Variants in ITPR2 observed in about 807,000 individuals in gnomAD.
ITPR2 encodes the protein inositol 1,4,5-trisphosphate receptor type 2, also known as inositol 1,4,5-trisphosphate-gated calcium channel ITPR2.
In ITPR2, 207 loss-of-function variants were observed where a neutral mutation model predicts 317.1. The ratio of observed to expected loss-of-function variants is 0.65; its 90% CI spans 0.58 to 0.73. ITPR2 has a LOEUF of 0.73. ITPR2 is among the 30% of genes least tolerant of loss of function. The probability of loss-of-function intolerance (pLI) is 0.00; values close to 1 mark genes in which losing one functional copy is unlikely to be tolerated. For synonymous variants in ITPR2, 1,156 were observed against 1,149.1 expected, an observed-to-expected ratio of 1.01 and a Z score of -0.12; for missense variants, 2,613 against 3,284.0, an observed-to-expected ratio of 0.80 and a Z score of 4.99.
At chr12:26,413,179 T>G (rs779971614) in intron 51 of ITPR2, among the ~76,000 whole-genome samples, 82 of 152,376 alleles carry the variant, frequency 5.4e-4, no homozygotes, top group Non-Finnish European at 1.1e-3. Context: ...ATTGCTCAAG[T>G]GGCAGCTACT....
chr12:26,578,111 G>A (rs1044946301), intron 34 of ITPR2, among the ~76,000 whole-genome samples: 5 of 152,094 alleles, frequency 3.3e-5, no homozygotes, highest in African/African-American at 1.2e-4. Flanking sequence ...ACAGCCAAGT[G>A]TGCATTTCTT....
At chr12:26,480,564 G>A (rs1028107411) in intron 43 of ITPR2, among the ~76,000 whole-genome samples, 12 of 152,168 alleles carry the variant, frequency 7.9e-5, no homozygotes, top group African/African-American at 1.4e-4. Context: ...AAACAAAGCC[G>A]GGCACGATGG....
intron 45 of ITPR2, among the ~76,000 whole-genome samples, chr12:26,457,158 A>G (rs148027340): frequency 6.6e-6 from 1 of 152,350 alleles, no homozygotes; most frequent in East Asian, 1.9e-4. Flanking sequence ...AGGAGAAAAT[A>G]AAGCGGAGGA....
At chr12:26,806,286 C>T (rs984966573) in intron 1 of ITPR2, among the ~76,000 whole-genome samples, 7 of 151,866 alleles carry the variant, frequency 4.6e-5, no homozygotes, top group Admixed American at 2.0e-4. Context: ...GGAGTAAACA[C>T]TGAATATTCA....
At chr12:26,806,398 GA>G (rs199864727) in intron 1 of ITPR2, among the ~76,000 whole-genome samples, 2 of 147,480 alleles carry the variant, frequency 1.4e-5, no homozygotes, top group African/African-American at 5.0e-5. Flanking sequence ...AAAAAGCCTT[GA>G]AAAAAAAACA....
intron 15 of ITPR2, among the ~76,000 whole-genome samples, chr12:26,660,238 G>A (rs1947466691): frequency 6.6e-6 from 1 of 152,218 alleles, no homozygotes; most frequent in East Asian, 1.9e-4. Context: ...GAATCCTTGT[G>A]AGCCATGGTA....
At chr12:26,685,778 T>A (rs961558209) in intron 11 of ITPR2, among the ~76,000 whole-genome samples, 9 of 152,146 alleles carry the variant, frequency 5.9e-5, no homozygotes, top group Non-Finnish European at 8.8e-5. Context: ...TTTCAACATT[T>A]TTCATTTCGT....
chr12:26,796,511 T>C (rs1950446076), intron 1 of ITPR2, among the ~76,000 whole-genome samples: 2 of 152,074 alleles, frequency 1.3e-5, no homozygotes, highest in South Asian at 4.2e-4. Flanking sequence ...CTATAGAGAG[T>C]AGAAATTAGA....
chr12:26,811,036 CAA>C (rs79796097), intron 1 of ITPR2, among the ~76,000 whole-genome samples: 199 of 108,280 alleles, frequency 1.8e-3, no homozygotes, highest in African/African-American at 6.5e-3. Context: ...TTTTAAGTTA[CAA>C]AAAAAAAAAA....
At chr12:26,628,875 TG>T (rs553668942) in intron 22 of ITPR2, among the ~76,000 whole-genome samples, 56 of 152,310 alleles carry the variant, frequency 3.7e-4, no homozygotes, top group Middle Eastern at 3.4e-3. Flanking sequence ...AGCTAAATCA[TG>T]TGGTCTAAAT....
At chr12:26,609,288 T>C (rs1314746150) in intron 26 of ITPR2, among the ~76,000 whole-genome samples, 1 of 152,132 alleles carries the variant, frequency 6.6e-6, no homozygotes, top group Non-Finnish European at 1.5e-5. Flanking sequence ...ACATAGAATC[T>C]TCACTAACAA....
At chr12:26,734,511 A>G (rs1288296873) in intron 2 of ITPR2, among the ~76,000 whole-genome samples, 1 of 152,200 alleles carries the variant, frequency 6.6e-6, no homozygotes, top group Admixed American at 6.5e-5. Context: ...TCAGAAAGCA[A>G]TAATTTTCTA....
intron 45 of ITPR2, among the ~76,000 whole-genome samples, chr12:26,468,608 CG>C (rs1487986854): frequency 1.3e-5 from 2 of 148,472 alleles, no homozygotes; most frequent in Non-Finnish European, 3.0e-5. Context: ...ACACAAGAAA[CG>C]TAAGCTCCAG....
In ITPR2 at chr12:26,656,424, C is replaced by G. The variant is rs754044630; in HGVS notation, c.2317G>C (p.Asp773His). The G allele has an allele frequency of 1.9e-5, 31 of 1,614,084 alleles. No homozygotes were observed. The highest frequency in any genetic ancestry group is 3.3e-5 in the Admixed American group (2 of 60,000). ...RCVSDESLPF[D>H]LRASFCRLML... ...AGGCGACAGAAGGACGCTCGGAGGT[C>G]GAACGGCAGGCTCTCATCCGACACA... is the stretch of plus-strand genomic sequence containing the variant. Residue 773 changes from aspartate (D) to histidine (H), a missense_variant, in exon 19 of 57, where the codon GAC (aspartate) becomes CAC (histidine). Physicochemically the swap from Asp to His is moderately conservative, Grantham distance 81 (BLOSUM62 -1). Transcript: ENST00000381340.
chr12:26,458,816 C>A (rs2136777685), intron 45 of ITPR2, among the ~76,000 whole-genome samples: 1 of 152,346 alleles, frequency 6.6e-6, no homozygotes, highest in South Asian at 2.1e-4. Flanking sequence ...GTACTTCCTA[C>A]CTAATGAGCT....
chr12:26,572,903 T>C (rs1463397885), intron 34 of ITPR2, among the ~76,000 whole-genome samples: 1 of 152,268 alleles, frequency 6.6e-6, no homozygotes, highest in African/African-American at 2.4e-5. Context: ...CAAATGTCCA[T>C]AGTTCTAGTT....
At chr12:26,561,989 T>A in intron 34 of ITPR2, 37 bp from the exon 35 acceptor site, 1 of 1,396,806 alleles carries the variant, frequency 7.2e-7, no homozygotes. Flanking sequence ...CCCTCTTAAT[T>A]TGACTAAAGT....
At chr12:26,702,402 C>CG (rs1156504997) in intron 9 of ITPR2, among the ~76,000 whole-genome samples, 86 of 10,744 alleles carry the variant, frequency 8.0e-3, no homozygotes, top group Non-Finnish European at 9.7e-3. Flanking sequence ...TTTTTGGGGG[C>CG]GGGGGTGGGG....
At chr12:26,744,567 G>A (rs1009317688) in intron 2 of ITPR2, among the ~76,000 whole-genome samples, 2 of 152,142 alleles carry the variant, frequency 1.3e-5, no homozygotes, top group Non-Finnish European at 2.9e-5. Context: ...CACTTAGTAG[G>A]TGCTCAATGA....
Sources: allele counts gnomAD v4.1 joint callset (sites outside exome capture counted in the v4.1 genomes callset), GRCh38; gene constraint gnomAD v4.1.1; transcripts MANE v1.5; gene names NCBI Gene and HGNC (gene_info 2026-07-23, HGNC 2026-07-21).